GET1: variants seen among roughly 807,000 people sequenced by gnomAD.
GET1 encodes the protein congenital heart disease 5 protein.
Under a neutral mutation model 22.6 loss-of-function variants are expected in GET1, and 20 were observed. The ratio of observed to expected loss-of-function variants is 0.89; its 90% confidence interval spans 0.62 to 1.29. The LOEUF is 1.29. Among genes scored for constraint, GET1 ranks in the 50% most tolerant of loss-of-function variants. GET1 has a pLI of 0.00. For missense variants in GET1, 209 were observed against 219.9 expected, an observed-to-expected ratio of 0.95 and a Z score of 0.31; for synonymous variants, 92 against 83.8, an observed-to-expected ratio of 1.10 and a Z score of -0.53.
chr21:39,419,426 G>A (rs1488992972), intron 1 of GET1, among the ~76,000 whole-genome samples: 1 of 151,448 alleles, frequency 6.6e-6, no homozygotes, highest in Non-Finnish European at 1.5e-5. Context: ...TTGGGAGGCC[G>A]AGGTGGGAAG....
At chr21:39,387,690 C>CT in intron 1 of GET1, 1 of 612,638 alleles carries the variant, frequency 1.6e-6, no homozygotes, top group Non-Finnish European at 2.0e-6. Flanking sequence ...ACTCCCCACA[C>CT]TCCCCCCCCC....
chr21:39,410,959 C>A (rs1483048132), downstream of GET1: 1 of 470,160 alleles, frequency 2.1e-6, no homozygotes, highest in Admixed American at 2.4e-5. Context: ...TATGGTACTT[C>A]TGAGTCGAAT....
At chr21:39,408,803 G>C (rs2039560602), downstream of GET1, 1 of 152,242 alleles carries the variant, frequency 6.6e-6, no homozygotes, top group African/African-American at 2.4e-5. Context: ...TATCTCCCAG[G>C]ATGATTCAGG....
chr21:39,410,201 C>T (rs1175938591), downstream of GET1: 10 of 1,254,224 alleles, frequency 8.0e-6, no homozygotes, highest in African/African-American at 1.0e-4. Context: ...GAACAAGTGA[C>T]TGTAGCCTAT....
At chr21:39,391,941 G>C (rs2038326002) in intron 3 of GET1, 105 bp downstream of exon 3, 1 of 1,107,130 alleles carries the variant, frequency 9.0e-7, no homozygotes, top group African/African-American at 1.5e-5. Flanking sequence ...TCCACCTTCA[G>C]CTGTCGTGTC....
At chr21:39,422,309 G>C (rs1488774178) in intron 1 of GET1, 2 of 152,240 alleles carry the variant, frequency 1.3e-5, no homozygotes, top group African/African-American at 4.8e-5. Flanking sequence ...ATATGCAGGA[G>C]AATTCTTAAT....
chr21:39,397,056 TTTG>T lies in GET1; in HGVS notation c.*121_*123del. 1 of 1,097,952 alleles carries T rather than the reference TTTG, an allele frequency of 9.1e-7. No individual in the cohort carries two copies. The highest frequency in any genetic ancestry group is 1.3e-6 in the Non-Finnish European group (1 of 760,934). 68.0% of individuals were successfully genotyped at this position (1,097,952 alleles called of 1,614,324 possible). A position where few individuals can be genotyped will look rare whatever the true frequency, so the allele number is the denominator to read the frequency against. ...AAAAGTGCATAGTTTAGATTTTTTT[TTTG>T]TTGAATATGTTTGTTCTTGGACTTT... On this transcript the variant is annotated 3_prime_UTR_variant, in exon 5 of 5. Coordinates refer to ENST00000649170, the MANE Select transcript of GET1 (RefSeq NM_004627.6).
intron 1 of GET1, among the ~76,000 whole-genome samples, chr21:39,383,842 G>A (rs1418982567): frequency 6.6e-6 from 1 of 152,188 alleles, no homozygotes; most frequent in Non-Finnish European, 1.5e-5. Context: ...CCAGGTTCAA[G>A]CAATTCTTCT....
At chr21:39,406,182 G>C in exon 5 of GET1, 1 of 1,614,204 alleles carries the variant, frequency 6.2e-7, no homozygotes, top group South Asian at 1.1e-5. Context: ...CATACCCACT[G>C]TCAGAATGCT....
chr21:39,427,123 G>A (rs777691133), intron 1 of GET1, among the ~76,000 whole-genome samples: 2 of 152,202 alleles, frequency 1.3e-5, no homozygotes, highest in African/African-American at 2.4e-5. Context: ...TGGACATGGC[G>A]GTGGCAGATG....
At chr21:39,412,299 G>A (rs942419267) in intron 1 of GET1, among the ~76,000 whole-genome samples, 20 of 152,148 alleles carry the variant, frequency 1.3e-4, no homozygotes, top group Non-Finnish European at 1.9e-4. Context: ...ACAGGGCTAC[G>A]TCTAGACAAG....
At position 39,414,748 on chromosome 21, in the gene GET1, G is replaced by C. The variant is rs1276608731; in HGVS notation, c.*23+3811G>C. On this transcript the variant is annotated intron_variant, in intron 1 of 1. Transcript: ENST00000478273. ...TCTCTCTCTCTCTCTCTCTCTGTGT[G>C]TGTGTGTGTGTGTGTGTGTGTGTGT... Among the ~76,000 whole-genome samples the C allele has an allele frequency of 5.7e-3, 812 of 143,420 alleles. 5 individuals are homozygous for C. Among genetic ancestry groups the C allele is most frequent in the African/African-American group, 0.012 (440 of 36,852 alleles). 94.1% of individuals were successfully genotyped at this position (143,420 alleles called of 152,430 possible). A position where few individuals can be genotyped will look rare whatever the true frequency, so the allele number is the denominator to read the frequency against.
exon 5 of GET1, chr21:39,406,579 T>A: frequency 6.3e-7 from 1 of 1,594,818 alleles, no homozygotes. Flanking sequence ...CAGCAGTATT[T>A]GGACTTCCAA....
chr21:39,418,057 C>T lies in GET1; in HGVS notation c.*23+7120C>T, dbSNP rs58734525. 5.0e-3 allele frequency among the ~76,000 whole-genome samples: 765 copies of T among 152,064 alleles called. 9 individuals carry two copies. Among genetic ancestry groups the T allele is most frequent in the African/African-American group, 0.018 (731 of 41,530 alleles). On this transcript the variant is annotated intron_variant, in intron 1 of 1. Coordinates refer to the GET1 transcript ENST00000478273. ...CTGGGATTACAGGCGTGAGCCACCG[C>T]GCCCAGCGGGGGAGTTTCTTTTTAT...
At chr21:39,410,752 C>A (rs2039953098), downstream of GET1, 5 of 455,588 alleles carry the variant, frequency 1.1e-5, no homozygotes, top group South Asian at 8.0e-5. Context: ...AAGCGCATGA[C>A]CACTAAATCT....
downstream of GET1, among the ~76,000 whole-genome samples, chr21:39,411,543 A>G (rs2040088385): frequency 1.3e-5 from 2 of 152,198 alleles, no homozygotes; most frequent in Admixed American, 6.5e-5. Context: ...AAGCATTTCT[A>G]TTCCTTGCTA....
intron 1 of GET1, among the ~76,000 whole-genome samples, chr21:39,426,628 A>G (rs1461121352): frequency 6.6e-6 from 1 of 152,258 alleles, no homozygotes; most frequent in Non-Finnish European, 1.5e-5. Flanking sequence ...AAGTGAAATA[A>G]CTAAAGATCT....
intron 1 of GET1, among the ~76,000 whole-genome samples, chr21:39,389,357 C>CT (rs2038144910): frequency 1.3e-5 from 2 of 152,140 alleles, no homozygotes; most frequent in East Asian, 3.9e-4. Flanking sequence ...TCTCAGCTCA[C>CT]TGTAGCCTTG....
intron 3 of GET1, among the ~76,000 whole-genome samples, chr21:39,392,445 CA>C (rs1365368965): frequency 2.6e-5 from 4 of 152,134 alleles, no homozygotes; most frequent in African/African-American, 9.7e-5. Flanking sequence ...AGCCCACCCC[CA>C]AAAAAGCTTA....
Sources: gnomAD v4.1 joint callset for allele counts (sites outside exome capture counted in the v4.1 genomes callset) on GRCh38, gnomAD v4.1.1 for gene constraint, MANE v1.5 for transcripts, NCBI Gene and HGNC (gene_info 2026-07-23, HGNC 2026-07-21) for gene names.